TMEM132B: variants seen among roughly 807,000 people sequenced by gnomAD.
TMEM132B encodes transmembrane protein 132B.
TMEM132B carries 18 observed loss-of-function variants against 90.8 expected under a neutral mutation model. The observed-to-expected ratio is 0.20, with a 90% confidence interval of 0.14 to 0.29. The LOEUF (loss-of-function observed/expected upper bound fraction) is 0.29. Ranked by LOEUF, TMEM132B falls within the 10% of genes least tolerant of loss-of-function variation. TMEM132B has a pLI of 1.00. For synonymous variants in TMEM132B, 504 were observed against 523.3 expected, an observed-to-expected ratio of 0.96 and a Z score of 0.50; for missense variants, 1,096 against 1,326.8, an observed-to-expected ratio of 0.83 and a Z score of 2.70.
intron 1 of TMEM132B, among the ~76,000 whole-genome samples, chr12:125,215,875 C>A (rs1019045994): frequency 6.6e-6 from 1 of 152,248 alleles, no homozygotes; most frequent in African/African-American, 2.4e-5. Context: ...CTGGGTCCAC[C>A]TGGATAACAG....
chr12:125,493,848 C>T (rs369625170), intron 3 of TMEM132B, among the ~76,000 whole-genome samples: 4 of 151,062 alleles, frequency 2.6e-5, no homozygotes, highest in Admixed American at 2.0e-4. Context: ...TCCCTCCTCC[C>T]CGTCCTCCCT....
chr12:125,516,464 T>A (rs930651170), intron 3 of TMEM132B, among the ~76,000 whole-genome samples: 3 of 152,080 alleles, frequency 2.0e-5, no homozygotes, highest in African/African-American at 4.8e-5. Flanking sequence ...GAAATGACTT[T>A]AAAAAAAACC....
At chr12:125,264,718 A>G (rs1331277452) in intron 1 of TMEM132B, among the ~76,000 whole-genome samples, 2 of 152,216 alleles carry the variant, frequency 1.3e-5, no homozygotes, top group African/African-American at 2.4e-5. Context: ...TTGTTCTCAA[A>G]CACAATTTAA....
At chr12:125,194,276 G>C (rs1414152315) in intron 1 of TMEM132B, among the ~76,000 whole-genome samples, 8 of 151,942 alleles carry the variant, frequency 5.3e-5, no homozygotes, top group Admixed American at 2.0e-4. Context: ...GTTGGTGGGG[G>C]GGTCTTACTC....
intron 8 of TMEM132B, among the ~76,000 whole-genome samples, chr12:125,652,833 C>T (rs988000684): frequency 1.3e-5 from 2 of 152,244 alleles, no homozygotes; most frequent in East Asian, 1.9e-4. Context: ...TGCTTTTCCA[C>T]GCTGACCACA....
intron 1 of TMEM132B, among the ~76,000 whole-genome samples, chr12:125,208,249 G>A (rs1418676785): frequency 6.6e-6 from 1 of 152,188 alleles, no homozygotes; most frequent in Admixed American, 6.5e-5. Flanking sequence ...GGTGGGCAGG[G>A]CCATGTGGAC....
At chr12:125,193,379 C>T (rs569087404) in intron 1 of TMEM132B, among the ~76,000 whole-genome samples, 1 of 152,152 alleles carries the variant, frequency 6.6e-6, no homozygotes, top group Non-Finnish European at 1.5e-5. Context: ...CCTCAATTTC[C>T]CTGCCCTCAG....
At chr12:125,281,681 A>G (rs1875181108) in intron 1 of TMEM132B, among the ~76,000 whole-genome samples, 1 of 152,110 alleles carries the variant, frequency 6.6e-6, no homozygotes. Context: ...AAGTGATTTC[A>G]TCTCAGGTGC....
intron 3 of TMEM132B, among the ~76,000 whole-genome samples, chr12:125,476,440 A>AT (rs1373860132): frequency 6.6e-6 from 1 of 152,100 alleles, no homozygotes; most frequent in Admixed American, 6.5e-5. Flanking sequence ...AATGCTTTTG[A>AT]TTTCATCCCT....
chr12:125,554,308 C>A (rs931622810), intron 4 of TMEM132B, among the ~76,000 whole-genome samples: 1 of 150,924 alleles, frequency 6.6e-6, no homozygotes, highest in African/African-American at 2.4e-5. Context: ...GCCTGTAGTC[C>A]CAGCTACTTG....
intron 3 of TMEM132B, among the ~76,000 whole-genome samples, chr12:125,443,478 T>A (rs1193738868): frequency 6.6e-6 from 1 of 152,142 alleles, no homozygotes; most frequent in Admixed American, 6.5e-5. Flanking sequence ...CTCCTGTGAT[T>A]ATGTGTTAGT....
At chr12:125,475,766 C>A (rs1039349058) in intron 3 of TMEM132B, among the ~76,000 whole-genome samples, 4 of 152,154 alleles carry the variant, frequency 2.6e-5, no homozygotes, top group African/African-American at 9.7e-5. Context: ...AGATATCTAT[C>A]CTATTAGTTC....
chr12:125,600,468 T>A (rs139754348), intron 5 of TMEM132B, among the ~76,000 whole-genome samples: 1 of 152,316 alleles, frequency 6.6e-6, no homozygotes, highest in East Asian at 1.9e-4. Flanking sequence ...TTGTTATTTG[T>A]TTATCTGTCT....
chr12:125,257,215 A>T (rs1874457600), intron 1 of TMEM132B, among the ~76,000 whole-genome samples: 1 of 152,088 alleles, frequency 6.6e-6, no homozygotes, highest in Non-Finnish European at 1.5e-5. Flanking sequence ...TGAAGGTGGG[A>T]GGATCACTTG....
At chr12:125,521,733 C>T (rs183942217) in intron 4 of TMEM132B, among the ~76,000 whole-genome samples, 5 of 152,284 alleles carry the variant, frequency 3.3e-5, no homozygotes, top group East Asian at 1.9e-4. Context: ...TCAACTGTTG[C>T]GAAGGATGCT....
At chr12:125,546,095 A>G (rs1884082796) in intron 4 of TMEM132B, among the ~76,000 whole-genome samples, 2 of 151,866 alleles carry the variant, frequency 1.3e-5, no homozygotes, top group Non-Finnish European at 2.9e-5. Flanking sequence ...CATACCCATC[A>G]CCTCCCAAGT....
intron 1 of TMEM132B, among the ~76,000 whole-genome samples, chr12:125,320,328 T>G (rs914271514): frequency 6.6e-6 from 1 of 152,264 alleles, no homozygotes; most frequent in Non-Finnish European, 1.5e-5. Context: ...GTAATCTTTA[T>G]TTGGTCCCAA....
intron 5 of TMEM132B, among the ~76,000 whole-genome samples, chr12:125,634,873 G>A (rs1886445818): frequency 1.3e-5 from 2 of 152,158 alleles, no homozygotes; most frequent in African/African-American, 4.8e-5. Flanking sequence ...ACTGTAAGCT[G>A]TACAGCCTGG....
intron 1 of TMEM132B, among the ~76,000 whole-genome samples, chr12:125,265,439 TC>T (rs1383619276): frequency 6.7e-6 from 1 of 148,692 alleles, no homozygotes; most frequent in Non-Finnish European, 1.5e-5. Context: ...GAATGTGGTC[TC>T]TCTCTCTGCC....
Sources: allele counts gnomAD v4.1 joint callset (sites outside exome capture counted in the v4.1 genomes callset), GRCh38; gene constraint gnomAD v4.1.1; transcripts MANE v1.5; gene names NCBI Gene and HGNC (gene_info 2026-07-23, HGNC 2026-07-21).